Variants in GPC5 observed in about 807,000 individuals in gnomAD.
The protein encoded by GPC5 is glypican-5.
GPC5 carries 47 observed loss-of-function variants against 53.9 expected under a neutral mutation model. The ratio of observed to expected loss-of-function variants is 0.87; its 90% CI spans 0.69 to 1.11. GPC5 has a LOEUF of 1.11. Ranked by LOEUF, GPC5 falls within the 50% of genes most tolerant of loss-of-function variation. The pLI, the probability that GPC5 is intolerant of heterozygous loss-of-function variation, is 0.00. For synonymous variants in GPC5, 286 were observed against 263.3 expected, an observed-to-expected ratio of 1.09 and a Z score of -0.84; for missense variants, 748 against 713.1, an observed-to-expected ratio of 1.05 and a Z score of -0.56.
chr13:91,597,215 T>A (rs1184329783), intron 2 of GPC5, among the ~76,000 whole-genome samples: 5 of 152,346 alleles, frequency 3.3e-5, no homozygotes, highest in Admixed American at 3.3e-4. Flanking sequence ...TGTTGTTCAC[T>A]TCTGGCATGA....
At chr13:92,524,903 A>T (rs1226554612) in intron 7 of GPC5, among the ~76,000 whole-genome samples, 1 of 152,128 alleles carries the variant, frequency 6.6e-6, no homozygotes, top group Non-Finnish European at 1.5e-5. Context: ...ATGCGTAGGG[A>T]TGAATAACAT....
At chr13:92,333,743 A>G (rs993334119) in intron 7 of GPC5, among the ~76,000 whole-genome samples, 3 of 152,174 alleles carry the variant, frequency 2.0e-5, no homozygotes, top group African/African-American at 7.2e-5. Flanking sequence ...ATTGCAAGGC[A>G]TACCAAAAGG....
At chr13:92,422,196 T>C (rs2374009) in intron 7 of GPC5, among the ~76,000 whole-genome samples, 94,177 of 151,774 alleles carry the variant, frequency 0.62, 29,460 homozygotes, top group East Asian at 0.74. Context: ...CTTCAGAAGT[T>C]TCTGAAACTG....
intron 2 of GPC5, among the ~76,000 whole-genome samples, chr13:91,470,185 TTCC>T (rs1482657509): frequency 6.6e-6 from 1 of 152,212 alleles, no homozygotes; most frequent in Admixed American, 6.5e-5. Context: ...ATGTCTTCTT[TTCC>T]TCCTCATTTC....
chr13:92,037,598 A>G (rs1408475415), intron 6 of GPC5, among the ~76,000 whole-genome samples: 4 of 152,184 alleles, frequency 2.6e-5, no homozygotes, highest in African/African-American at 9.7e-5. Flanking sequence ...TGGGATTTAG[A>G]TTCTTTACTA....
chr13:92,043,936 C>T (rs776933190), intron 6 of GPC5, among the ~76,000 whole-genome samples: 21 of 152,114 alleles, frequency 1.4e-4, no homozygotes, highest in Non-Finnish European at 2.6e-4. Flanking sequence ...AATTTGAATC[C>T]GATAACTTCA....
At chr13:91,744,624 G>A (rs2037007464) in intron 4 of GPC5, among the ~76,000 whole-genome samples, 1 of 152,092 alleles carries the variant, frequency 6.6e-6, no homozygotes, top group South Asian at 2.1e-4. Context: ...AAAGAAGGAA[G>A]AATAAAGAAG....
At chr13:92,215,799 A>G (rs2042405604) in intron 7 of GPC5, among the ~76,000 whole-genome samples, 1 of 152,152 alleles carries the variant, frequency 6.6e-6, no homozygotes, top group Non-Finnish European at 1.5e-5. Context: ...GGCACCACGT[A>G]AGAAGTCTCA....
At chr13:91,925,517 G>T (rs1342945510) in intron 6 of GPC5, among the ~76,000 whole-genome samples, 1 of 152,140 alleles carries the variant, frequency 6.6e-6, no homozygotes, top group Non-Finnish European at 1.5e-5. Context: ...GTACAAAAAC[G>T]ATTAAATGAG....
At chr13:91,755,867 C>A (rs931348316) in intron 4 of GPC5, among the ~76,000 whole-genome samples, 4 of 151,906 alleles carry the variant, frequency 2.6e-5, no homozygotes, top group African/African-American at 9.7e-5. Flanking sequence ...CTGACATTTT[C>A]CACAGGGAAA....
rs1215234384 is a variant in GPC5 at position 91,398,696 on chromosome 13, AGTG to A, written c.-349_-347del. On this transcript the variant is annotated 5_prime_UTR_variant, in exon 1 of 8. Transcript: ENST00000377067. The stretch of plus-strand genomic sequence containing the variant: ...CGGCGGCAGTGGCGGCAGTGGCGGC[AGTG>A]GCGGCAGCGGCAGCAGTTGCAGCAG... 5 of 233,502 alleles carry A rather than the reference AGTG, an allele frequency of 2.1e-5. No homozygotes were observed. The highest frequency in any genetic ancestry group is 1.3e-3 in the Middle Eastern group (1 of 752). 14.5% of individuals were successfully genotyped at this position (233,502 alleles called of 1,614,324 possible).
At chr13:91,603,230 G>T (rs780485661) in intron 2 of GPC5, among the ~76,000 whole-genome samples, 13 of 152,218 alleles carry the variant, frequency 8.5e-5, no homozygotes, top group Non-Finnish European at 8.8e-5. Context: ...CTGGCAGGAA[G>T]AAAGGCTGAA....
chr13:92,349,761 C>G (rs192249283), intron 7 of GPC5, among the ~76,000 whole-genome samples: 1 of 152,004 alleles, frequency 6.6e-6, no homozygotes, highest in Non-Finnish European at 1.5e-5. Context: ...ATTTTCCCAT[C>G]GAAGAAAAAC....
chr13:91,530,443 C>T lies in GPC5; in HGVS notation c.325+81521C>T, dbSNP rs191919552. Among the ~76,000 whole-genome samples the T allele has an allele frequency of 2.8e-3, 432 of 152,306 alleles. 5 individuals carry two copies. Among genetic ancestry groups the T allele is most frequent in the Non-Finnish European group, 4.0e-3 (271 of 68,022 alleles). Reference sequence around the variant, plus strand: ...AACTGGTTCAACTTCTAGTATAAGACCTCTGACACCAGTATTCGAACATTT... The same window carrying T: ...AACTGGTTCAACTTCTAGTATAAGATCTCTGACACCAGTATTCGAACATTT... On this transcript the variant is annotated intron_variant, in intron 2 of 7. Coordinates refer to ENST00000377067, the MANE Select transcript of GPC5 (RefSeq NM_004466.6).
chr13:92,214,676 C>T (rs2042397591), intron 7 of GPC5, among the ~76,000 whole-genome samples: 1 of 152,170 alleles, frequency 6.6e-6, no homozygotes, highest in Non-Finnish European at 1.5e-5. Flanking sequence ...CCCTGAGAGG[C>T]AGAATAATGA....
chr13:92,006,256 C>A (rs2040605773), intron 6 of GPC5, among the ~76,000 whole-genome samples: 1 of 151,870 alleles, frequency 6.6e-6, no homozygotes, highest in African/African-American at 2.4e-5. Context: ...GAAAAATGTA[C>A]CAAAATAATT....
intron 2 of GPC5, among the ~76,000 whole-genome samples, chr13:91,593,003 A>G (rs186178661): frequency 1.3e-5 from 2 of 152,306 alleles, no homozygotes; most frequent in African/African-American, 4.8e-5. Flanking sequence ...TGTGCTGTTC[A>G]CAAAGGTTCC....
At chr13:92,068,932 A>G (rs73625215) in intron 6 of GPC5, among the ~76,000 whole-genome samples, 1 of 151,816 alleles carries the variant, frequency 6.6e-6, no homozygotes, top group Non-Finnish European at 1.5e-5. Context: ...ATTTGGTGTC[A>G]TATCTAAGAA....
rs112385614 is a variant in GPC5, at chr13:91,885,444, C to T, written c.1281-22493C>T. On this transcript the variant is annotated intron_variant, in intron 5 of 7. Transcript: ENST00000377067. ...CCTTTCCTTGTTTCTTCCCCCTCCC[C>T]GACTAGAATCTGGTTGGTGCTTTTG... 2.5e-3 allele frequency among the ~76,000 whole-genome samples: 381 copies of T among 152,270 alleles called. 2 individuals are homozygous for T. Among genetic ancestry groups the T allele is most frequent in the African/African-American group, 8.2e-3 (339 of 41,572 alleles).
Sources: gnomAD v4.1 joint callset for allele counts (sites outside exome capture counted in the v4.1 genomes callset) on GRCh38, gnomAD v4.1.1 for gene constraint, MANE v1.5 for transcripts, NCBI Gene and HGNC (gene_info 2026-07-23, HGNC 2026-07-21) for gene names.